The following SKAP2 variants were observed in gnomAD, a reference collection of about 807,000 sequenced individuals.
SKAP2 encodes the protein src kinase associated phosphoprotein 2.
In SKAP2, 28 loss-of-function variants were observed where a neutral mutation model predicts 54.9. That is an observed-to-expected ratio of 0.51 (90% CI 0.38 to 0.70). SKAP2 has a LOEUF of 0.70. SKAP2 is among the 30% of genes least tolerant of loss of function. SKAP2 has a pLI of 0.00. For synonymous variants in SKAP2, 137 were observed against 134.3 expected (o/e 1.02, Z -0.14); for missense variants, 356 against 424.1 (o/e 0.84, Z 1.41).
intron 1 of SKAP2, chr7:26,857,332 AAAAC>A: frequency 1.5e-4 from 41 of 268,950 alleles, no homozygotes; most frequent in Non-Finnish European, 2.3e-4. Flanking sequence ...AAAAAAAAAA[AAAAC>A]TTTAAACTGG....
At chr7:26,791,987 A>T (rs1362530000) in intron 4 of SKAP2, among the ~76,000 whole-genome samples, 1 of 152,246 alleles carries the variant, frequency 6.6e-6, no homozygotes, top group East Asian at 1.9e-4. Context: ...TGATACATCC[A>T]TACAACAGAA....
chr7:26,665,863 A>G (rs1786097611), downstream of SKAP2, among the ~76,000 whole-genome samples: 1 of 152,178 alleles, frequency 6.6e-6, no homozygotes, highest in Non-Finnish European at 1.5e-5. Context: ...TTGAGTATAT[A>G]TTAAACTTGT....
At chr7:26,790,581 C>T (rs892621820) in intron 4 of SKAP2, among the ~76,000 whole-genome samples, 1 of 152,152 alleles carries the variant, frequency 6.6e-6, no homozygotes, top group Non-Finnish European at 1.5e-5. Context: ...TTTGGTACAA[C>T]TTTCTACCTC....
intron 4 of SKAP2, among the ~76,000 whole-genome samples, chr7:26,768,562 T>C (rs9648332): frequency 0.085 from 12,910 of 152,290 alleles, 613 homozygotes; most frequent in Middle Eastern, 0.16. Flanking sequence ...CGATGGTCTT[T>C]ACAATTTGCT....
At chr7:26,843,536 A>T (rs1459467327) in intron 4 of SKAP2, among the ~76,000 whole-genome samples, 3 of 152,082 alleles carry the variant, frequency 2.0e-5, no homozygotes, top group Non-Finnish European at 4.4e-5. Flanking sequence ...GTGACAATAT[A>T]AAAATGAAAA....
At chr7:26,850,712 T>C (rs1451331607) in intron 3 of SKAP2, among the ~76,000 whole-genome samples, 2 of 152,120 alleles carry the variant, frequency 1.3e-5, no homozygotes, top group East Asian at 1.9e-4. Flanking sequence ...ATATTTCAAA[T>C]GAATAACAAG....
In SKAP2 at chr7:26,854,119, C is replaced by T; in HGVS notation, c.199+18G>A. The stretch of plus-strand genomic sequence containing the variant: ...CAGAGGAAAAAAATTTTCAAGTTTG[C>T]CAAACATGAAAACTTACCTTTGTCT... On this transcript the variant is annotated intron_variant, in intron 3 of 12. Coordinates refer to ENST00000345317, the MANE Select transcript of SKAP2 (RefSeq NM_003930.5). 2 of 1,561,698 alleles carry T rather than the reference C, an allele frequency of 1.3e-6. No homozygotes were observed. The highest frequency in any genetic ancestry group is 2.4e-5 in the South Asian group (2 of 83,090).
At chr7:26,775,505 T>C (rs1014381258) in intron 4 of SKAP2, among the ~76,000 whole-genome samples, 2 of 149,602 alleles carry the variant, frequency 1.3e-5, no homozygotes, top group African/African-American at 4.9e-5. Context: ...ACCAATATTA[T>C]TTAGATTTCC....
chr7:26,830,529 T>C (rs1002527850), intron 4 of SKAP2, among the ~76,000 whole-genome samples: 12 of 152,170 alleles, frequency 7.9e-5, no homozygotes, highest in African/African-American at 2.9e-4. Flanking sequence ...GCATGTCTTC[T>C]CAAGCCATAA....
chr7:26,803,175 A>C (rs1331956024), intron 4 of SKAP2, among the ~76,000 whole-genome samples: 2 of 152,306 alleles, frequency 1.3e-5, no homozygotes, highest in Admixed American at 1.3e-4. Context: ...CAACAAAATG[A>C]AGAGAGAACA....
intron 1 of SKAP2, among the ~76,000 whole-genome samples, chr7:26,857,018 T>C (rs1477294276): frequency 6.6e-6 from 1 of 151,346 alleles, no homozygotes; most frequent in African/African-American, 2.4e-5. Flanking sequence ...TAGTGCCCTC[T>C]AACGCCCCCA....
intron 9 of SKAP2, among the ~76,000 whole-genome samples, chr7:26,714,772 T>C (rs1787395464): frequency 6.6e-6 from 1 of 152,222 alleles, no homozygotes; most frequent in African/African-American, 2.4e-5. Context: ...GTGTATTTTT[T>C]TTTCTGGGAT....
chr7:26,731,087 A>T (rs1346902239), intron 6 of SKAP2, among the ~76,000 whole-genome samples: 3 of 152,194 alleles, frequency 2.0e-5, no homozygotes, highest in Admixed American at 1.3e-4. Context: ...CTGGTTCTAA[A>T]GCCTTGCTTT....
At chr7:26,782,931 T>C (rs1783459100) in intron 4 of SKAP2, among the ~76,000 whole-genome samples, 1 of 152,152 alleles carries the variant, frequency 6.6e-6, no homozygotes, top group South Asian at 2.1e-4. Context: ...TTACCCAGGC[T>C]AAGGTATTTT....
At chr7:26,858,391 G>T (rs936078844) in intron 1 of SKAP2, among the ~76,000 whole-genome samples, 3 of 152,108 alleles carry the variant, frequency 2.0e-5, no homozygotes, top group African/African-American at 7.2e-5. Flanking sequence ...TTATCTCACG[G>T]TACAGCTGTA....
chr7:26,793,181 G>A lies in SKAP2; in HGVS notation c.307+50849C>T, dbSNP rs561372482. 3.9e-5 allele frequency among the ~76,000 whole-genome samples: 6 copies of A among 152,200 alleles called. No homozygotes were observed. The South Asian group carries it at 1.2e-3, about 32-fold the overall frequency. ...TGACAGACTTACTTTTACCTGACTT[G>A]ACCCTTCTGCAAGTGAAACAGGCAA... On this transcript the variant is annotated intron_variant, in intron 4 of 12. Transcript: ENST00000345317.
At chr7:26,674,823 A>T (rs1228224930) in intron 11 of SKAP2, among the ~76,000 whole-genome samples, 5 of 152,218 alleles carry the variant, frequency 3.3e-5, no homozygotes, top group African/African-American at 9.6e-5. Context: ...AAGAATTCTC[A>T]TAAGAAATTT....
intron 11 of SKAP2, among the ~76,000 whole-genome samples, chr7:26,681,721 A>G (rs1414283852): frequency 2.0e-5 from 3 of 152,202 alleles, no homozygotes; most frequent in South Asian, 2.1e-4. Context: ...ATTTATTATT[A>G]ACAGACAAGT....
intron 9 of SKAP2, among the ~76,000 whole-genome samples, chr7:26,705,607 C>A (rs574685020): frequency 8.5e-5 from 13 of 152,216 alleles, no homozygotes; most frequent in African/African-American, 3.1e-4. Flanking sequence ...TATCATATGA[C>A]CCTTTACTTA....
Sources: allele counts gnomAD v4.1 joint callset (sites outside exome capture counted in the v4.1 genomes callset), GRCh38; gene constraint gnomAD v4.1.1; transcripts MANE v1.5; gene names NCBI Gene and HGNC (gene_info 2026-07-23, HGNC 2026-07-21).